SLC7A11: variants seen among roughly 807,000 people sequenced by gnomAD.
SLC7A11 encodes the protein cystine/glutamate transporter.
Under a neutral mutation model 54.5 loss-of-function variants are expected in SLC7A11, and 35 were observed. The ratio of observed to expected loss-of-function variants is 0.64; its 90% CI spans 0.49 to 0.85. SLC7A11 has a LOEUF of 0.85. Among genes scored for constraint, SLC7A11 ranks in the 40% least tolerant of loss-of-function variants. The probability of loss-of-function intolerance (pLI) is 0.00; values close to 1 mark genes in which losing one functional copy is unlikely to be tolerated. For missense variants in SLC7A11, 583 were observed against 618.1 expected (o/e 0.94, Z 0.60); for synonymous variants, 230 against 225.2 (o/e 1.02, Z -0.19).
rs367662536 is a variant in SLC7A11, at chr4:138,240,565, C to CAAAA, written c.277+1224_277+1227dup. Among the ~76,000 whole-genome samples, 212 of 133,922 alleles carry CAAAA rather than the reference C, an allele frequency of 1.6e-3. 3 individuals are homozygous for CAAAA. Among genetic ancestry groups the CAAAA allele is most frequent in the Middle Eastern group, 7.8e-3 (2 of 258 alleles). 87.9% of individuals were successfully genotyped at this position (133,922 alleles called of 152,430 possible). ...CTGGGCAAAGAGCGAGTCTCTGTCT[C>CAAAA]AAAAAAAAAAAAAAAATGGAATTTG... On this transcript the variant is annotated intron_variant, in intron 1 of 11. Coordinates refer to ENST00000280612, the MANE Select transcript of SLC7A11 (RefSeq NM_014331.4).
chr4:138,237,791 C>T lies in SLC7A11; in HGVS notation c.278-1340G>A, dbSNP rs1320255926. Among the ~76,000 whole-genome samples the T allele has an allele frequency of 4.4e-5, 5 of 113,454 alleles. 1 individual carries two copies. In the South Asian group the frequency reaches 9.6e-4, roughly 22 times the overall value. The allele number at this position is 113,454 out of a possible 152,430, so 74.4% of individuals were successfully genotyped here. On this transcript the variant is annotated intron_variant, in intron 1 of 11. Coordinates refer to ENST00000280612, the MANE Select transcript of SLC7A11 (RefSeq NM_014331.4). ...TTTGAGATGGAGTCTCACTCTGTCC[C>T]CCCAGGCTGCAGTGCAGTGGCACGA...
At chr4:138,196,916 T>C (rs1297461918) in intron 6 of SLC7A11, among the ~76,000 whole-genome samples, 1 of 152,194 alleles carries the variant, frequency 6.6e-6, no homozygotes, top group Admixed American at 6.5e-5. Context: ...CACCTTGGCC[T>C]CCCAAAGTGC....
intron 2 of SLC7A11, among the ~76,000 whole-genome samples, chr4:138,234,077 C>T (rs1473257188): frequency 1.3e-5 from 2 of 152,142 alleles, no homozygotes; most frequent in South Asian, 2.1e-4. Context: ...TGTGATTTCT[C>T]GATTGATAAT....
chr4:138,178,642 G>A (rs370049708), intron 11 of SLC7A11, among the ~76,000 whole-genome samples: 3 of 151,952 alleles, frequency 2.0e-5, no homozygotes, highest in Non-Finnish European at 4.4e-5. Context: ...CGTTCTGCAC[G>A]TTTATTCCAG....
chr4:138,207,006 A>AAAC (rs1201629578), intron 6 of SLC7A11, among the ~76,000 whole-genome samples: 6 of 151,064 alleles, frequency 4.0e-5, no homozygotes, highest in Non-Finnish European at 8.9e-5. Context: ...CAAAAAAAAA[A>AAAC]AAAAAACCCC....
chr4:138,233,321 A>T (rs1392963312), intron 2 of SLC7A11, among the ~76,000 whole-genome samples: 3 of 151,696 alleles, frequency 2.0e-5, no homozygotes. Context: ...AGTAGCTGGG[A>T]TTACAGGTGC....
At chr4:138,235,603 A>G (rs1018278) in intron 2 of SLC7A11, among the ~76,000 whole-genome samples, 139,967 of 152,114 alleles carry the variant, frequency 0.92, 65,193 homozygotes, top group East Asian at 1. Context: ...ACATTTTATC[A>G]AAGTAGTTAG....
In SLC7A11 at chr4:138,170,222, TATATATAA is replaced by T. The variant is rs1195516411; in HGVS notation, c.*1726_*1733del. 6 of 130,184 alleles carry T rather than the reference TATATATAA, an allele frequency of 4.6e-5. No individual in the cohort carries two copies. The highest frequency in any genetic ancestry group is 8.2e-5 in the Non-Finnish European group (5 of 61,164). The allele number at this position is 130,184 out of a possible 1,614,324, so 8.1% of individuals were successfully genotyped here. On this transcript the variant is annotated 3_prime_UTR_variant, in exon 12 of 12. Transcript: ENST00000280612. ...AAGTTCCACTATATATATATATATATATATATAAAAAGTGTGTGTGTGTGTGTGTATAT... is the reference window on the plus strand; with the variant it reads ...AAGTTCCACTATATATATATATATATAAAGTGTGTGTGTGTGTGTGTATAT...
At position 138,183,427 on chromosome 4, in the gene SLC7A11, A is replaced by G. The variant is rs534682529; in HGVS notation, c.916-122T>C. The stretch of plus-strand genomic sequence containing the variant: ...CCTGGTGATACTTGTATGTTTTATA[A>G]TTTCTCTCTTTGGTTAGGGTCAGAC... On this transcript the variant is annotated intron_variant, in intron 7 of 11. Transcript: ENST00000280612. 3 of 675,466 alleles carry G rather than the reference A, an allele frequency of 4.4e-6. No homozygotes were observed. The South Asian group carries it at 5.4e-5, about 12-fold the overall frequency. 41.8% of individuals were successfully genotyped at this position (675,466 alleles called of 1,614,324 possible).
chr4:138,214,166 C>G (rs139560384), intron 6 of SLC7A11, among the ~76,000 whole-genome samples: 2 of 151,882 alleles, frequency 1.3e-5, no homozygotes, highest in Admixed American at 6.6e-5. Context: ...AATTACATTA[C>G]TCACTTTAAT....
chr4:138,212,046 A>T (rs1205590590), intron 6 of SLC7A11, among the ~76,000 whole-genome samples: 1 of 151,940 alleles, frequency 6.6e-6, no homozygotes, highest in Non-Finnish European at 1.5e-5. Context: ...TCAACACAAA[A>T]AAAGATACAT....
chr4:138,178,022 G>A (rs1736624421), intron 11 of SLC7A11: 1 of 152,064 alleles, frequency 6.6e-6, no homozygotes, highest in African/African-American at 2.4e-5. Context: ...AACTGCCTGA[G>A]TTTGACTTTC....
At chr4:138,190,088 G>A (rs916079571) in intron 6 of SLC7A11, among the ~76,000 whole-genome samples, 1 of 152,114 alleles carries the variant, frequency 6.6e-6, no homozygotes, top group African/African-American at 2.4e-5. Context: ...ATGGATCCCG[G>A]GGCATCTAAG....
At chr4:138,214,499 A>T in intron 6 of SLC7A11, 86 bp downstream of exon 6, 1 of 700,004 alleles carries the variant, frequency 1.4e-6, no homozygotes, top group Non-Finnish European at 2.4e-6. Context: ...GCCCACACTG[A>T]ATTCCTTCTT....
At chr4:138,220,720 G>C (rs1737790476) in intron 4 of SLC7A11, among the ~76,000 whole-genome samples, 1 of 152,120 alleles carries the variant, frequency 6.6e-6, no homozygotes, top group Non-Finnish European at 1.5e-5. Flanking sequence ...ACCCAAATGG[G>C]AAGTGAGACT....
At chr4:138,186,393 T>G (rs74512627) in intron 6 of SLC7A11, among the ~76,000 whole-genome samples, 1,827 of 152,188 alleles carry the variant, frequency 0.012, 32 homozygotes, top group African/African-American at 0.041. Context: ...AGCTGGGTGT[T>G]TTTAGCACAC....
At chr4:138,214,518 C>A in intron 6 of SLC7A11, 67 bp downstream of exon 6, 1 of 907,562 alleles carries the variant, frequency 1.1e-6, no homozygotes, top group Non-Finnish European at 1.7e-6. Flanking sequence ...TTCAAGTCTG[C>A]TTTTTAAACT....
intron 3 of SLC7A11, among the ~76,000 whole-genome samples, chr4:138,226,368 C>A (rs951128738): frequency 6.6e-6 from 1 of 151,976 alleles, no homozygotes; most frequent in African/African-American, 2.4e-5. Context: ...ACATTTAAAG[C>A]ATGTGTGGTT....
intron 6 of SLC7A11, among the ~76,000 whole-genome samples, chr4:138,203,202 C>A (rs1365880574): frequency 2.0e-5 from 3 of 152,008 alleles, no homozygotes; most frequent in Non-Finnish European, 4.4e-5. Flanking sequence ...AAAAAGATAA[C>A]TATAATATTT....
Sources: gnomAD v4.1 joint callset for allele counts (sites outside exome capture counted in the v4.1 genomes callset) on GRCh38, gnomAD v4.1.1 for gene constraint, MANE v1.5 for transcripts, NCBI Gene and HGNC (gene_info 2026-07-23, HGNC 2026-07-21) for gene names.